EPHA3: variants seen among roughly 807,000 people sequenced by gnomAD.
EPHA3 encodes the protein ephrin type-A receptor 3.
EPHA3 carries 42 observed loss-of-function variants against 107.1 expected under a neutral mutation model. The ratio of observed to expected loss-of-function variants is 0.39; its 90% CI spans 0.31 to 0.51. The LOEUF (loss-of-function observed/expected upper bound fraction) is 0.51. EPHA3 is among the 20% of genes least tolerant of loss of function. EPHA3 has a pLI of 0.78. For missense variants in EPHA3, 1,183 were observed against 1,211.2 expected, an observed-to-expected ratio of 0.98 and a Z score of 0.35; for synonymous variants, 461 against 424.8, an observed-to-expected ratio of 1.09 and a Z score of -1.05.
chr3:89,163,754 C>G (rs1704999352), intron 2 of EPHA3, among the ~76,000 whole-genome samples: 1 of 152,124 alleles, frequency 6.6e-6, no homozygotes, highest in Non-Finnish European at 1.5e-5. Context: ...AAATGGAACA[C>G]TCCTGAACAA....
chr3:89,251,946 A>G (rs1249091252), intron 3 of EPHA3, among the ~76,000 whole-genome samples: 1 of 152,084 alleles, frequency 6.6e-6, no homozygotes, highest in African/African-American at 2.4e-5. Flanking sequence ...ATTTTGTTTT[A>G]TTTTACTTTT....
intron 2 of EPHA3, among the ~76,000 whole-genome samples, chr3:89,152,783 C>T (rs985040663): frequency 2.6e-5 from 4 of 151,900 alleles, no homozygotes; most frequent in African/African-American, 9.7e-5. Flanking sequence ...TAATATGTTT[C>T]TAAATGAACG....
chr3:89,472,445 G>T lies in EPHA3; in HGVS notation c.2691-19G>T. The T allele has an allele frequency of 3.7e-6, 6 of 1,602,872 alleles. No homozygotes were observed. The highest frequency in any genetic ancestry group is 5.1e-6 in the Non-Finnish European group (6 of 1,174,666). The stretch of plus-strand genomic sequence containing the variant: ...GCTGACTCCTGATCTGTCTCCCTTT[G>T]GTGTTTTTTTTCTTGCAGGCCATCA... On this transcript the variant is annotated intron_variant, in intron 15 of 16. Transcript: ENST00000336596.
At chr3:89,385,168 A>G (rs1325913639) in intron 5 of EPHA3, among the ~76,000 whole-genome samples, 2 of 152,220 alleles carry the variant, frequency 1.3e-5, no homozygotes, top group South Asian at 4.1e-4. Context: ...TATTTGCTCT[A>G]TATGTATTAT....
intron 5 of EPHA3, among the ~76,000 whole-genome samples, chr3:89,387,464 C>A (rs150675696): frequency 6.6e-6 from 1 of 152,132 alleles, no homozygotes; most frequent in African/African-American, 2.4e-5. Flanking sequence ...GGCCTCCTCA[C>A]CCCTGAGTAA....
At chr3:89,136,347 T>TTTTTTTTTTTTTA in intron 2 of EPHA3, among the ~76,000 whole-genome samples, 1 of 137,826 alleles carries the variant, frequency 7.3e-6, no homozygotes, top group African/African-American at 2.7e-5. Context: ...TTTTTTTTTT[T>TTTTTTTTTTTTTA]TTTTTTTGAC....
At chr3:89,155,919 C>A (rs1009765986) in intron 2 of EPHA3, among the ~76,000 whole-genome samples, 1 of 151,946 alleles carries the variant, frequency 6.6e-6, no homozygotes, top group Non-Finnish European at 1.5e-5. Flanking sequence ...GCTGTCAGTT[C>A]TTTCAACATG....
intron 3 of EPHA3, among the ~76,000 whole-genome samples, chr3:89,320,618 G>T (rs775020451): frequency 3.3e-5 from 5 of 151,696 alleles, no homozygotes; most frequent in Admixed American, 2.6e-4. Context: ...AAGCCATGAG[G>T]CTACATGGCA....
intron 2 of EPHA3, among the ~76,000 whole-genome samples, chr3:89,178,874 GT>G (rs1362653779): frequency 1.3e-5 from 2 of 151,782 alleles, no homozygotes; most frequent in Non-Finnish European, 2.9e-5. Context: ...CCTTTTCTAT[GT>G]GTTTAAAGTC....
chr3:89,172,838 T>C (rs1469628797), intron 2 of EPHA3, among the ~76,000 whole-genome samples: 1 of 152,192 alleles, frequency 6.6e-6, no homozygotes, highest in African/African-American at 2.4e-5. Flanking sequence ...TTATTCTGTC[T>C]CTGTAATAAA....
rs1704260291 is a variant in EPHA3, at chr3:89,134,072, C to G, written c.153+6799C>G. Among the ~76,000 whole-genome samples, 6 of 150,400 alleles carry G rather than the reference C, an allele frequency of 4.0e-5. No individual in the cohort carries two copies. The South Asian group carries it at 1.3e-3, about 32-fold the overall frequency. Reference sequence around the variant, plus strand: ...CTCAGCTCATGAGGCACCCACTTATCAAGTTTTTTCACCTTTCCAATTTGC... The same window carrying G: ...CTCAGCTCATGAGGCACCCACTTATGAAGTTTTTTCACCTTTCCAATTTGC... On this transcript the variant is annotated intron_variant, in intron 2 of 16. Transcript: ENST00000336596.
chr3:89,202,617 C>T (rs1303244494), intron 2 of EPHA3, among the ~76,000 whole-genome samples: 3 of 149,170 alleles, frequency 2.0e-5, no homozygotes, highest in African/African-American at 7.4e-5. Flanking sequence ...TTAAGCTTTG[C>T]ACATATAAAT....
chr3:89,176,480 G>C (rs908877695), intron 2 of EPHA3, among the ~76,000 whole-genome samples: 2 of 126,496 alleles, frequency 1.6e-5, no homozygotes, highest in African/African-American at 6.2e-5. Flanking sequence ...CTGGGTGACA[G>C]AGCAAGATTC....
intron 13 of EPHA3, among the ~76,000 whole-genome samples, chr3:89,436,480 C>G (rs1709672350): frequency 6.6e-6 from 1 of 152,144 alleles, no homozygotes; most frequent in African/African-American, 2.4e-5. Context: ...GGTTGCTCCT[C>G]TGAAAGTTAC....
chr3:89,389,106 T>C (rs1708677249), intron 5 of EPHA3, among the ~76,000 whole-genome samples: 1 of 152,120 alleles, frequency 6.6e-6, no homozygotes, highest in Admixed American at 6.6e-5. Flanking sequence ...CTCTGAGATT[T>C]TGAACTGGAT....
At chr3:89,368,713 T>C (rs1335206540) in intron 5 of EPHA3, among the ~76,000 whole-genome samples, 1 of 150,400 alleles carries the variant, frequency 6.6e-6, no homozygotes, top group Non-Finnish European at 1.5e-5. Context: ...TTCAATGGGT[T>C]GGATGATGCC....
chr3:89,260,855 CTTTTT>C (rs1705397045), intron 3 of EPHA3, among the ~76,000 whole-genome samples: 1 of 152,212 alleles, frequency 6.6e-6, no homozygotes, highest in East Asian at 1.9e-4. Flanking sequence ...TGAATGGCTG[CTTTTT>C]CCCATTGTTT....
intron 3 of EPHA3, among the ~76,000 whole-genome samples, chr3:89,276,655 A>G (rs1705813908): frequency 6.6e-6 from 1 of 152,124 alleles, no homozygotes; most frequent in African/African-American, 2.4e-5. Context: ...AATATGAAAT[A>G]TGTTTGACTG....
At chr3:89,191,451 C>G (rs1334539482) in intron 2 of EPHA3, among the ~76,000 whole-genome samples, 1 of 151,810 alleles carries the variant, frequency 6.6e-6, no homozygotes, top group East Asian at 1.9e-4. Flanking sequence ...GGACTACAGG[C>G]GCCCGCCACC....
Sources: gnomAD v4.1 joint callset for allele counts (sites outside exome capture counted in the v4.1 genomes callset) on GRCh38, gnomAD v4.1.1 for gene constraint, MANE v1.5 for transcripts, NCBI Gene and HGNC (gene_info 2026-07-23, HGNC 2026-07-21) for gene names.